Variants in ZNF778 observed in about 807,000 individuals in gnomAD.
The protein encoded by ZNF778 is zinc finger protein 778.
ZNF778 carries 37 observed loss-of-function variants against 23.9 expected under a neutral mutation model. The ratio of observed to expected loss-of-function variants is 1.54; its 90% confidence interval spans 1.19 to 2.03. The LOEUF is 2.03. Among genes scored for constraint, ZNF778 ranks in the 30% most tolerant of loss-of-function variants. The pLI is 0.00. For missense variants in ZNF778, 1,297 were observed against 934.4 expected (o/e 1.39, Z -5.06); for synonymous variants, 483 against 343.9 (o/e 1.40, Z -4.48).
In ZNF778 at chr16:89,227,334, T is replaced by A. The variant is rs1226440838; in HGVS notation, c.1046T>A (p.Leu349His). The change falls in exon 7 of 7, where the codon CTC becomes CAC. Residue 349 changes from leucine (L) to histidine (H), a missense_variant. Transcript: ENST00000433976. ...CKECGKAFTG[L>H]SGLSKHVQTD... ...GAATGCGGAAAAGCCTTCACTGGACTCTCAGGTCTTTCTAAACACGTCCAA... is the reference window on the plus strand; with the variant it reads ...GAATGCGGAAAAGCCTTCACTGGACACTCAGGTCTTTCTAAACACGTCCAA... 1 of 1,613,974 alleles carries A rather than the reference T, an allele frequency of 6.2e-7. No homozygotes were observed. The highest frequency in any genetic ancestry group is 8.5e-7 in the Non-Finnish European group (1 of 1,179,884).
Position 89,235,936 on chromosome 16 carries a change from A to G in ZNF778, c.*7374A>G, listed in dbSNP as rs2032221737. The G allele has an allele frequency of 6.6e-6, 1 of 150,738 alleles. No individual in the cohort carries two copies. The highest frequency in any genetic ancestry group is 2.4e-5 in the African/African-American group (1 of 40,896). 9.3% of individuals were successfully genotyped at this position (150,738 alleles called of 1,614,324 possible). On this transcript the variant is annotated 3_prime_UTR_variant, in exon 7 of 7. Transcript: ENST00000433976. ...CACTTTGGGAGGCCGAGGTGGGCGG[A>G]TCACAAGGTCAGGAGATCATGACCA...
chr16:89,229,142 C>G lies in ZNF778; in HGVS notation c.*580C>G. ...TAGAAATCCTCCAGTCTGGTTGCTA[C>G]AGTGTCCACGTCGCAGCCTGGCTAA... is the stretch of plus-strand genomic sequence containing the variant. On this transcript the variant is annotated 3_prime_UTR_variant, in exon 7 of 7. Coordinates refer to ENST00000433976, the MANE Select transcript of ZNF778 (RefSeq NM_001201407.2). The G allele has an allele frequency of 2.0e-6, 2 of 986,172 alleles. No homozygotes were observed. Among genetic ancestry groups the G allele is most frequent in the Non-Finnish European group, 1.2e-6 (1 of 830,518 alleles). 61.1% of individuals were successfully genotyped at this position (986,172 alleles called of 1,614,324 possible).
At position 89,230,859 on chromosome 16, in the gene ZNF778, A is replaced by T. The variant is rs2031885530; in HGVS notation, c.*2297A>T. ...GTGCACCTTCATATTACGTGTTTGA[A>T]ATCCTGGATGGACAGACCCGTCCAC... On this transcript the variant is annotated 3_prime_UTR_variant, in exon 7 of 7. Transcript: ENST00000433976. The T allele has an allele frequency of 6.6e-6, 1 of 152,214 alleles. No homozygotes were observed. Among genetic ancestry groups the T allele is most frequent in the African/African-American group, 2.4e-5 (1 of 41,448 alleles). The allele number at this position is 152,214 out of a possible 1,614,324, so 9.4% of individuals were successfully genotyped here.
Position 89,232,429 on chromosome 16 carries a change from A to T in ZNF778, c.*3867A>T. 3.0e-6 allele frequency: 1 copy of T among 334,804 alleles called. No homozygotes were observed. Among genetic ancestry groups the T allele is most frequent in the Non-Finnish European group, 5.6e-6 (1 of 178,132 alleles). 20.7% of individuals were successfully genotyped at this position (334,804 alleles called of 1,614,324 possible). A position where few individuals can be genotyped will look rare whatever the true frequency, so the allele number is the denominator to read the frequency against. On this transcript the variant is annotated 3_prime_UTR_variant, in exon 7 of 7. Transcript: ENST00000433976. ...GCCTCAGATATGTAGCAACACAGAC[A>T]GACTAAGACACCAAGCATGATGGAA...
chr16:89,227,463 C>G lies in ZNF778; in HGVS notation c.1175C>G (p.Pro392Arg). ...GGAAAAACTCACACGAGGGAGAAGC[C>G]CTTTGCATGTGTGGTTTGCGGAAAA... ...EHGKTHTREK[P>R]FACVVCGKYF... Residue 392 changes from proline (P) to arginine (R), a missense_variant, in exon 7 of 7, where the codon CCC becomes CGC. Physicochemically the swap from Pro to Arg is moderately radical, Grantham distance 103. Transcript: ENST00000433976. 1.2e-6 allele frequency: 2 copies of G among 1,613,774 alleles called. No homozygotes were observed. Among genetic ancestry groups the G allele is most frequent in the Non-Finnish European group, 1.7e-6 (2 of 1,179,868 alleles).
Position 89,236,192 on chromosome 16 carries a change from AAAG to A in ZNF778, c.*7633_*7635del, listed in dbSNP as rs2032232440. The A allele has an allele frequency of 6.6e-6, 1 of 152,218 alleles. No individual in the cohort carries two copies. The highest frequency in any genetic ancestry group is 1.5e-5 in the Non-Finnish European group (1 of 68,158). The allele number at this position is 152,218 out of a possible 1,614,324, so 9.4% of individuals were successfully genotyped here. A position where few individuals can be genotyped will look rare whatever the true frequency, so the allele number is the denominator to read the frequency against. ...ACTCTGTCTCAAAAAAGAAGAAAGAAAAGAAAACCAAGCCCCTGCCACCACGAA... is the reference window on the plus strand; with the variant it reads ...ACTCTGTCTCAAAAAAGAAGAAAGAAAAAACCAAGCCCCTGCCACCACGAA... On this transcript the variant is annotated 3_prime_UTR_variant, in exon 7 of 7. Coordinates refer to ENST00000433976, the MANE Select transcript of ZNF778 (RefSeq NM_001201407.2).
intron 1 of ZNF778, among the ~76,000 whole-genome samples, chr16:89,218,914 C>T (rs2030638571): frequency 6.6e-6 from 1 of 152,164 alleles, no homozygotes; most frequent in African/African-American, 2.4e-5. Flanking sequence ...TCAAGACCAG[C>T]CTGACTAACA....
At position 89,230,062 on chromosome 16, in the gene ZNF778, G is replaced by A. The variant is rs148678822; in HGVS notation, c.*1500G>A. 6.3e-3 allele frequency: 6,122 copies of A among 973,408 alleles called. 24 individuals are homozygous for A. Among genetic ancestry groups the A allele is most frequent in the Non-Finnish European group, 7.0e-3 (5,736 of 819,126 alleles). The allele number at this position is 973,408 out of a possible 1,614,324, so 60.3% of individuals were successfully genotyped here. The stretch of plus-strand genomic sequence containing the variant: ...ATGGGATCCTGTATGAGCAGCGTAG[G>A]CTCTGGTTGGTTAGTCATGCTCTTA... On this transcript the variant is annotated 3_prime_UTR_variant, in exon 7 of 7. Transcript: ENST00000433976.
In ZNF778 at chr16:89,232,321, C is replaced by T. The variant is rs1297312032; in HGVS notation, c.*3759C>T. ...GTTTGACACAGCAAATAGTCCTCACCAGAAGCAGGTCAGATGCCAGTGCTA... is the reference window on the plus strand; with the variant it reads ...GTTTGACACAGCAAATAGTCCTCACTAGAAGCAGGTCAGATGCCAGTGCTA... On this transcript the variant is annotated 3_prime_UTR_variant, in exon 7 of 7. Transcript: ENST00000433976. 1.6e-5 allele frequency: 4 copies of T among 244,160 alleles called. No individual in the cohort carries two copies. The highest frequency in any genetic ancestry group is 9.0e-5 in the African/African-American group (4 of 44,440). 15.1% of individuals were successfully genotyped at this position (244,160 alleles called of 1,614,324 possible).
chr16:89,225,508 AT>A (rs2031395009), intron 5 of ZNF778, 46 bp from the exon 6 acceptor site: 1 of 1,462,606 alleles, frequency 6.8e-7, no homozygotes, highest in African/African-American at 1.4e-5. Context: ...ATGAAAACAA[AT>A]ACCAATGAGT....
At chr16:89,218,651 C>T (rs1227649516) in intron 1 of ZNF778, among the ~76,000 whole-genome samples, 3 of 151,924 alleles carry the variant, frequency 2.0e-5, no homozygotes, top group African/African-American at 7.3e-5. Context: ...ATTAGCCGGG[C>T]GTGGTGGCGG....
Position 89,234,124 on chromosome 16 carries a change from T to A in ZNF778, c.*5562T>A. ...TGCCGCCTTCTCTTGACACTGTGAG[T>A]GATAAACTTTCCATGTCAGGAACCT... On this transcript the variant is annotated 3_prime_UTR_variant, in exon 7 of 7. Transcript: ENST00000433976. The A allele has an allele frequency of 2.1e-6, 1 of 479,202 alleles. No homozygotes were observed. The highest frequency in any genetic ancestry group is 3.9e-6 in the Non-Finnish European group (1 of 253,604). The allele number at this position is 479,202 out of a possible 1,614,324, so 29.7% of individuals were successfully genotyped here. A position where few individuals can be genotyped will look rare whatever the true frequency, so the allele number is the denominator to read the frequency against.
rs1567499556 is a variant in ZNF778, at chr16:89,223,270, C to T, written c.231C>T (p.Asn77=). ...YRDVMLENYE[N]LASVGHHLFQ... ...ATGTGATGCTGGAAAACTACGAGAA[C>T]CTGGCCTCAGTAGGTGAGGCTGCCA... Residue 77 remains asparagine (N), a synonymous_variant, in exon 4 of 7, where the codon AAC becomes AAT. Coordinates refer to ENST00000433976, the MANE Select transcript of ZNF778 (RefSeq NM_001201407.2). 1 of 1,613,918 alleles carries T rather than the reference C, an allele frequency of 6.2e-7. No homozygotes were observed. The highest frequency in any genetic ancestry group is 8.5e-7 in the Non-Finnish European group (1 of 1,179,946).
In ZNF778 at chr16:89,232,377, A is replaced by G. The variant is rs929943033; in HGVS notation, c.*3815A>G. On this transcript the variant is annotated 3_prime_UTR_variant, in exon 7 of 7. Transcript: ENST00000433976. ...GCACAGCCTGCTGAACCATGAGCCAAATAAGCCTCTTTCTAAGTTACCCAC... is the reference window on the plus strand; with the variant it reads ...GCACAGCCTGCTGAACCATGAGCCAGATAAGCCTCTTTCTAAGTTACCCAC... The G allele has an allele frequency of 6.7e-6, 2 of 297,216 alleles. No individual in the cohort carries two copies. Among genetic ancestry groups the G allele is most frequent in the Non-Finnish European group, 1.3e-5 (2 of 154,052 alleles). 18.4% of individuals were successfully genotyped at this position (297,216 alleles called of 1,614,324 possible).
rs1302703876 is a variant in ZNF778, at chr16:89,226,955, A to T, written c.667A>T (p.Arg223Ter). 6.2e-7 allele frequency: 1 copy of T among 1,614,036 alleles called. No individual in the cohort carries two copies. The highest frequency in any genetic ancestry group is 1.7e-5 in the Admixed American group (1 of 60,028). The change falls in exon 7 of 7, where the codon AGA becomes TGA. Residue 223 changes from arginine (R) to a stop codon, truncating the protein, a stop_gained. Transcript: ENST00000433976. LOFTEE classifies it low-confidence loss of function (END_TRUNC). ...TTCCCAGCAAGCATGCACTCGGGACAGATCTCTTGACTACAGCAGCTGTGG... is the reference window on the plus strand; with the variant it reads ...TTCCCAGCAAGCATGCACTCGGGACTGATCTCTTGACTACAGCAGCTGTGG... ...VVSQQACTRD[R>*]SLDYSSCGEV...
chr16:89,218,972 T>C (rs182833303), intron 1 of ZNF778, among the ~76,000 whole-genome samples: 2 of 152,118 alleles, frequency 1.3e-5, no homozygotes, highest in South Asian at 2.1e-4. Context: ...CCTTGCATGG[T>C]GGCGCATGCC....
intron 1 of ZNF778, chr16:89,218,253 C>T (rs541993572): frequency 1.3e-5 from 2 of 152,206 alleles, no homozygotes; most frequent in South Asian, 4.1e-4. Context: ...AAATCTGAAT[C>T]TAATAAAAAT....
chr16:89,225,516 G>A (rs780866718), intron 5 of ZNF778, 39 bp from the exon 6 acceptor site: 93 of 1,482,894 alleles, frequency 6.3e-5, no homozygotes, highest in Admixed American at 1.1e-4. Context: ...AAATACCAAT[G>A]AGTTTGATCG....
rs774331126 is a variant in ZNF778, at chr16:89,227,393, G to C, written c.1105G>C (p.Asp369His). The change falls in exon 7 of 7, where the codon GAC becomes CAC. Residue 369 changes from aspartate to histidine, a missense_variant. Coordinates refer to ENST00000433976, the MANE Select transcript of ZNF778 (RefSeq NM_001201407.2). ...DPGQKPYECK[D>H]CGKACGGFYL... ...TGGACAGAAGCCCTATGAATGTAAG[G>C]ACTGTGGGAAAGCCTGCGGTGGGTT... is the stretch of plus-strand genomic sequence containing the variant. The C allele has an allele frequency of 1.2e-6, 2 of 1,613,916 alleles. No homozygotes were observed. Among genetic ancestry groups the C allele is most frequent in the African/African-American group, 1.3e-5 (1 of 74,938 alleles).
Sources: allele counts gnomAD v4.1 joint callset (sites outside exome capture counted in the v4.1 genomes callset), GRCh38; gene constraint gnomAD v4.1.1; transcripts MANE v1.5; gene names NCBI Gene and HGNC (gene_info 2026-07-23, HGNC 2026-07-21).